Variants in KNL1 observed in about 807,000 individuals in gnomAD.
The protein encoded by KNL1 is outer kinetochore KNL1 complex subunit KNL1.
Under a neutral mutation model 201.3 loss-of-function variants are expected in KNL1, and 66 were observed. That is an observed-to-expected ratio of 0.33 (90% CI 0.27 to 0.40). KNL1 has a LOEUF of 0.40. Ranked by LOEUF, KNL1 falls within the 10% of genes least tolerant of loss-of-function variation. The probability of loss-of-function intolerance (pLI) is 1.00; values close to 1 mark genes in which losing one functional copy is unlikely to be tolerated. For missense variants in KNL1, 2,815 were observed against 2,690.5 expected (o/e 1.05, Z -1.02); for synonymous variants, 895 against 899.2 (o/e 1.00, Z 0.08).
rs1356351089 is a variant in KNL1, at chr15:40,645,718, C to G, written c.5952C>G (p.Val1984=). Residue 1984 remains valine, a synonymous_variant, in exon 16 of 26, where the codon GTC becomes GTG. Transcript: ENST00000399668. ...CATGTTTTACCAAGATGACTAAAGT[C>G]TTCACTCACCAAGGAAAAGTGGCTC... ...IKSCFTKMTK[V]FTHQGKVALY... 1 of 1,610,952 alleles carries G rather than the reference C, an allele frequency of 6.2e-7. No individual in the cohort carries two copies.
At chr15:40,627,134 A>G in intron 10 of KNL1, among the ~76,000 whole-genome samples, 1 of 152,188 alleles carries the variant, frequency 6.6e-6, no homozygotes, top group East Asian at 1.9e-4. Flanking sequence ...ATCTCAAGTG[A>G]TCCACCTTCC....
At chr15:40,604,188 C>T (rs1247246814) in intron 2 of KNL1, among the ~76,000 whole-genome samples, 1 of 150,622 alleles carries the variant, frequency 6.6e-6, no homozygotes, top group Non-Finnish European at 1.5e-5. Context: ...ACTTTAGATA[C>T]TATCTCCTAT....
At chr15:40,646,877 A>C in intron 16 of KNL1, 110 bp from the exon 17 acceptor site, 1 of 480,616 alleles carries the variant, frequency 2.1e-6, no homozygotes, top group South Asian at 2.7e-5. Flanking sequence ...AAAAAAAAAA[A>C]AGATTTGCCT....
rs552990005 is a variant in KNL1, at chr15:40,644,024, T to C, written c.5799-973T>C. ...TGGGACGAGAGACTGAGAAAAGAAATAAGACACAGAGACAAAGTATAGAGA... is the reference window on the plus strand; with the variant it reads ...TGGGACGAGAGACTGAGAAAAGAAACAAGACACAGAGACAAAGTATAGAGA... On this transcript the variant is annotated intron_variant, in intron 14 of 25. Transcript: ENST00000399668. Among the ~76,000 whole-genome samples, 5 of 152,140 alleles carry C rather than the reference T, an allele frequency of 3.3e-5. 1 individual carries two copies. The highest frequency in any genetic ancestry group is 3.3e-4 in the Admixed American group (5 of 15,270).
At position 40,623,471 on chromosome 15, in the gene KNL1, G is replaced by A. The variant is rs1489759197; in HGVS notation, c.3207G>A (p.Lys1069=). ...AAAGTCAGAGAAGAAAAAGCCTTAA[G>A]CTAAAAAATGACAAGACCATTGTAT... ...SSKSQRRKSL[K]LKNDKTIVFS... Residue 1069 remains lysine (K), a synonymous_variant, in exon 10 of 26, where the codon AAG becomes AAA. Coordinates refer to ENST00000399668, the MANE Select transcript of KNL1 (RefSeq NM_144508.5). 2 of 1,611,516 alleles carry A rather than the reference G, an allele frequency of 1.2e-6. No individual in the cohort carries two copies. Among genetic ancestry groups the A allele is most frequent in the Non-Finnish European group, 1.7e-6 (2 of 1,179,276 alleles).
At chr15:40,599,634 C>G (rs942228325) in intron 1 of KNL1, among the ~76,000 whole-genome samples, 1 of 151,970 alleles carries the variant, frequency 6.6e-6, no homozygotes, top group African/African-American at 2.4e-5. Flanking sequence ...CAGCCTGCCT[C>G]GGCTGCCCAA....
rs1467349648 is a variant in KNL1, at chr15:40,623,999, C to T, written c.3735C>T (p.Ile1245=). The stretch of plus-strand genomic sequence containing the variant: ...CTAATAGAACTACTAATGAAATCAT[C>T]AAATTTCATAGTGCTGCTATGGATG... The part of the protein sequence containing the change: ...AATNRTTNEI[I]KFHSAAMDEK... The change falls in exon 10 of 26, where the codon ATC becomes ATT. Residue 1245 remains isoleucine, a synonymous_variant. Transcript: ENST00000399668. 1.2e-6 allele frequency: 2 copies of T among 1,613,684 alleles called. No individual in the cohort carries two copies. The highest frequency in any genetic ancestry group is 1.7e-6 in the Non-Finnish European group (2 of 1,179,786).
At position 40,610,257 on chromosome 15, in the gene KNL1, G is replaced by A. The variant is rs753019737; in HGVS notation, c.210G>A (p.Thr70=). The change falls in exon 6 of 26, where the codon ACG becomes ACA. Residue 70 remains threonine (T), a synonymous_variant. Transcript: ENST00000399668. The part of the protein sequence containing the change: ...SFADTIKVFQ[T]ESHMKIVRKS... The stretch of plus-strand genomic sequence containing the variant: ...TTTTCTCTTCTAGGGTATTCCAGAC[G>A]GAGTCTCATATGAAAATAGTGAGAA... 7 of 1,496,646 alleles carry A rather than the reference G, an allele frequency of 4.7e-6. No individual in the cohort carries two copies. Among genetic ancestry groups the A allele is most frequent in the African/African-American group, 1.4e-5 (1 of 72,190 alleles). The allele number at this position is 1,496,646 out of a possible 1,614,324, so 92.7% of individuals were successfully genotyped here.
At chr15:40,597,039 A>C (rs938645805) in intron 1 of KNL1, among the ~76,000 whole-genome samples, 1 of 151,346 alleles carries the variant, frequency 6.6e-6, no homozygotes, top group African/African-American at 2.4e-5. Context: ...GCTTTTTATC[A>C]CAGCAACTGC....
intron 1 of KNL1, among the ~76,000 whole-genome samples, chr15:40,600,058 A>G (rs1298820276): frequency 6.9e-6 from 1 of 145,452 alleles, no homozygotes; most frequent in Non-Finnish European, 1.5e-5. Flanking sequence ...CTTTTTGCTG[A>G]TATTTATTTG....
chr15:40,662,021 A>G (rs1311497482), intron 25 of KNL1, 53 bp from the exon 26 acceptor site: 14 of 1,009,940 alleles, frequency 1.4e-5, no homozygotes, highest in Non-Finnish European at 1.9e-5. Flanking sequence ...CCTGGGCGAC[A>G]GAGCGAGACT....
At position 40,623,719 on chromosome 15, in the gene KNL1, A is replaced by G. The variant is rs1276198768; in HGVS notation, c.3455A>G (p.Asp1152Gly). ...LPNEIAIRPM[D>G]KTVLFTDNYS... is the part of the protein sequence containing the mutation. ...AATGAAATAGCTATTAGGCCCATGGACAAAACCGTATTGTTCACAGATAAT... is the reference window on the plus strand; with the variant it reads ...AATGAAATAGCTATTAGGCCCATGGGCAAAACCGTATTGTTCACAGATAAT... Residue 1152 changes from aspartate (D) to glycine (G), a missense_variant, in exon 10 of 26, where the codon GAC (aspartate) becomes GGC (glycine). Physicochemically the swap from Asp to Gly is moderately conservative, Grantham distance 94 (BLOSUM62 -1). Around this residue, in one of 3 missense-constraint regions of KNL1, gnomAD observed 2,464 missense variants for 2,291.7 expected, o/e 1.08. Transcript: ENST00000399668. The G allele has an allele frequency of 1.9e-6, 3 of 1,614,042 alleles. No individual in the cohort carries two copies. In the East Asian group the frequency reaches 6.7e-5, roughly 36 times the overall value.
intron 13 of KNL1, among the ~76,000 whole-genome samples, chr15:40,638,637 G>A (rs1204557030): frequency 3.8e-4 from 57 of 150,558 alleles, no homozygotes; most frequent in Non-Finnish European, 8.9e-5. Flanking sequence ...GATTACGGGT[G>A]CCCACCACCA....
At chr15:40,603,206 AG>A (rs1389253591) in intron 2 of KNL1, among the ~76,000 whole-genome samples, 16 of 152,110 alleles carry the variant, frequency 1.1e-4, no homozygotes, top group Non-Finnish European at 7.3e-5. Flanking sequence ...CATTTACATT[AG>A]GTATTTCTCC....
In KNL1 at chr15:40,621,512, A is replaced by G. The variant is rs1389762218; in HGVS notation, c.1248A>G (p.Ile416Met). 1.2e-5 allele frequency: 20 copies of G among 1,613,792 alleles called. No individual in the cohort carries two copies. The highest frequency in any genetic ancestry group is 1.7e-5 in the Non-Finnish European group (20 of 1,179,888). The change falls in exon 10 of 26, where the codon ATA becomes ATG. Residue 416 changes from isoleucine (I) to methionine (M), a missense_variant. Ile to Met is a conservative substitution (Grantham distance 10). This residue lies in a region of KNL1 where 2,464 missense variants were observed against 2,291.7 expected (regional missense o/e 1.08). Transcript: ENST00000399668. ...ARILAMTPES[I>M]YSNPSIQGCK... Reference sequence around the variant, plus strand: ...TATTAGCCATGACCCCAGAATCTATATATTCTAATCCATCTATTCAAGGTT... The same window carrying G: ...TATTAGCCATGACCCCAGAATCTATGTATTCTAATCCATCTATTCAAGGTT...
intron 24 of KNL1, among the ~76,000 whole-genome samples, chr15:40,658,575 AAAAAG>A (rs1203692501): frequency 2.9e-4 from 43 of 149,638 alleles, no homozygotes; most frequent in Non-Finnish European, 4.1e-4. Context: ...AAAAAAAAAA[AAAAAG>A]AAAGAAAGAA....
chr15:40,625,405 A>G lies in KNL1; in HGVS notation c.5141A>G (p.Glu1714Gly). Residue 1714 changes from glutamate to glycine, a missense_variant, in exon 10 of 26, where the codon GAA becomes GGA. Glu to Gly is a moderately conservative substitution (Grantham distance 98, BLOSUM62 -2). Around this residue, in one of 3 missense-constraint regions of KNL1, gnomAD observed 2,464 missense variants for 2,291.7 expected, o/e 1.08. Transcript: ENST00000399668. The part of the protein sequence containing the change: ...NLSPSQYINE[E>G]NLPVYPDEIN... ...AGTCCTTCTCAATATATAAATGAGGAAAATCTTCCTGTATATCCTGATGAG... is the reference window on the plus strand; with the variant it reads ...AGTCCTTCTCAATATATAAATGAGGGAAATCTTCCTGTATATCCTGATGAG... The G allele has an allele frequency of 6.2e-7, 1 of 1,613,856 alleles. No homozygotes were observed. Among genetic ancestry groups the G allele is most frequent in the Non-Finnish European group, 8.5e-7 (1 of 1,179,920 alleles).
intron 15 of KNL1, among the ~76,000 whole-genome samples, chr15:40,645,320 C>T (rs1414044910): frequency 2.0e-5 from 3 of 152,084 alleles, no homozygotes; most frequent in Non-Finnish European, 4.4e-5. Context: ...TTTAGAGTTC[C>T]CTCCTTGCTA....
chr15:40,605,082 T>G (rs748301931), intron 2 of KNL1, 28 bp from the exon 3 acceptor site: 2 of 1,174,356 alleles, frequency 1.7e-6, no homozygotes, highest in Admixed American at 1.7e-5. Flanking sequence ...TAAATCACTG[T>G]GTATATAATT....
Sources: gnomAD v4.1 joint callset for allele counts (sites outside exome capture counted in the v4.1 genomes callset) on GRCh38, gnomAD v4.1.1 for gene constraint, gnomAD v4.1.1 regional missense constraint, MANE v1.5 for transcripts, NCBI Gene and HGNC (gene_info 2026-07-23, HGNC 2026-07-21) for gene names.